TMEM63A: variants seen among roughly 807,000 people sequenced by gnomAD.
TMEM63A encodes transmembrane protein 63A, also known as mechanosensitive cation channel TMEM63A.
Under a neutral mutation model 100.6 loss-of-function variants are expected in TMEM63A, and 76 were observed. That is an observed-to-expected ratio of 0.76 (90% CI 0.63 to 0.91). TMEM63A has a LOEUF of 0.91. Among genes scored for constraint, TMEM63A ranks in the 40% least tolerant of loss-of-function variants. TMEM63A has a pLI of 0.00. For synonymous variants in TMEM63A, 401 were observed against 401.1 expected, an observed-to-expected ratio of 1.00 and a Z score of 0.00; for missense variants, 876 against 1,008.8, an observed-to-expected ratio of 0.87 and a Z score of 1.78.
chr1:225,869,330 A>T (rs926794537), intron 6 of TMEM63A, among the ~76,000 whole-genome samples: 4 of 152,214 alleles, frequency 2.6e-5, no homozygotes, highest in Non-Finnish European at 5.9e-5. Flanking sequence ...TATCTAGAGG[A>T]CAAAGCTTTG....
chr1:225,853,784 A>G lies in TMEM63A; in HGVS notation c.1642T>C (p.Phe548Leu). Reference sequence around the variant, plus strand: ...AAGAAGGCACCCTGGTCAGGCAGGAAGACGCACCTGGGGAAACCAGGGCCC... The same window carrying G: ...AAGAAGGCACCCTGGTCAGGCAGGAGGACGCACCTGGGGAAACCAGGGCCC... ...SEASIRLECV[F>L]LPDQGAFFVN... Residue 548 changes from phenylalanine to leucine, a missense_variant, in exon 19 of 25, where the codon TTC (phenylalanine) becomes CTC (leucine). Coordinates refer to ENST00000366835, the MANE Select transcript of TMEM63A (RefSeq NM_014698.3). This position sits in a 1 kb window ranked among gnomAD's most constrained non-coding sequence, Gnocchi z 4.0. The G allele has an allele frequency of 6.2e-6, 10 of 1,602,558 alleles. No individual in the cohort carries two copies. The highest frequency in any genetic ancestry group is 8.5e-6 in the Non-Finnish European group (10 of 1,174,172).
downstream of TMEM63A, chr1:225,844,639 C>G (rs566051666): frequency 6.2e-7 from 1 of 1,613,582 alleles, no homozygotes. Context: ...CCTGGCTGAG[C>G]CGAGAACAGG....
In TMEM63A at chr1:225,862,453, AC is replaced by A. The variant is rs1381118187; in HGVS notation, c.951+1del. The A allele has an allele frequency of 6.2e-7, 1 of 1,613,776 alleles. No homozygotes were observed. The highest frequency in any genetic ancestry group is 1.3e-5 in the African/African-American group (1 of 74,852). The stretch of plus-strand genomic sequence containing the variant: ...CTCCCAGCCGGGGGGTGGGACCCTT[AC>A]CCACTCACAGCCCAGCACTTCACAG... On this transcript the variant is annotated splice_donor_variant, in intron 12 of 24. Transcript: ENST00000366835. LOFTEE classifies it high-confidence loss of function. The surrounding 1 kb of genome is among the most constrained non-coding windows in gnomAD (Gnocchi z 5.1).
In TMEM63A at chr1:225,847,119, T is replaced by C; in HGVS notation, c.2345A>G (p.Asn782Ser). ...CTGTCCAGGGATAGTCCCGCTGATG[T>C]TGTGGATGGCACCATAGGTCTGCTG... is the stretch of plus-strand genomic sequence containing the variant. ...QQQQTYGAIH[N>S]ISGTIPGQCL... The change falls in exon 24 of 25, where the codon AAC (asparagine) becomes AGC (serine). Residue 782 changes from asparagine (N) to serine (S), a missense_variant. By Grantham distance (46) the Asn-to-Ser change is conservative. Transcript: ENST00000366835. 6.2e-7 allele frequency: 1 copy of C among 1,613,858 alleles called. No homozygotes were observed. The highest frequency in any genetic ancestry group is 8.5e-7 in the Non-Finnish European group (1 of 1,180,030).
At chr1:225,844,527 A>G, downstream of TMEM63A, 3 of 1,614,066 alleles carry the variant, frequency 1.9e-6, no homozygotes, top group Non-Finnish European at 2.5e-6. Context: ...CTGCTGACCA[A>G]CGTCATGCTC....
chr1:225,861,124 A>C (rs1669913714), intron 13 of TMEM63A, 127 bp from the exon 14 acceptor site: 2 of 1,110,280 alleles, frequency 1.8e-6, no homozygotes, highest in Non-Finnish European at 2.5e-6. Flanking sequence ...TGATTAGTGT[A>C]TTATGAGTAA....
intron 1 of TMEM63A, among the ~76,000 whole-genome samples, chr1:225,879,615 C>A (rs1381573856): frequency 3.3e-5 from 5 of 152,196 alleles, no homozygotes; most frequent in Admixed American, 6.5e-5. Context: ...TCTGTGCGAC[C>A]CTACTCCTCC....
rs374761902 is a variant in TMEM63A, at chr1:225,867,097, G to A, written c.566+15C>T. On this transcript the variant is annotated intron_variant, in intron 8 of 24. Transcript: ENST00000366835. The surrounding 1 kb of genome is among the most constrained non-coding windows in gnomAD (Gnocchi z 4.6). ...CTCACCCATCAGCACCTATCCCCAC[G>A]GGCTCCATACTCACTCAGTCTGTAG... 1.7e-5 allele frequency: 27 copies of A among 1,613,824 alleles called. No individual in the cohort carries two copies. Among genetic ancestry groups the A allele is most frequent in the African/African-American group, 5.3e-5 (4 of 74,860 alleles).
chr1:225,872,321 G>A (rs367769493), intron 4 of TMEM63A, among the ~76,000 whole-genome samples: 2 of 152,258 alleles, frequency 1.3e-5, no homozygotes, highest in South Asian at 2.1e-4. Context: ...ACTGTGACTC[G>A]TCTAGCTAAA....
Position 225,868,043 on chromosome 1 carries a change from C to G in TMEM63A, c.372-13G>C. ...GATCTGGTCATCACTGGCCAAGACA[C>G]AGAGGAATCTTAATGAGCAGTGGAA... is the stretch of plus-strand genomic sequence containing the variant. On this transcript the variant is annotated splice_polypyrimidine_tract_variant and intron_variant, in intron 6 of 24. Transcript: ENST00000366835. 1 of 1,613,920 alleles carries G rather than the reference C, an allele frequency of 6.2e-7. No individual in the cohort carries two copies. The highest frequency in any genetic ancestry group is 8.5e-7 in the Non-Finnish European group (1 of 1,179,834).
At position 225,875,080 on chromosome 1, in the gene TMEM63A, A is replaced by G. The variant is rs1026894041; in HGVS notation, c.187-713T>C. On this transcript the variant is annotated intron_variant, in intron 3 of 24. Coordinates refer to ENST00000366835, the MANE Select transcript of TMEM63A (RefSeq NM_014698.3). ...AGAACCAAGGTAGCAGAGCCTCCTC[A>G]GGCTGAGCCAGAAACGGTCAGTTTT... 9.8e-5 allele frequency among the ~76,000 whole-genome samples: 15 copies of G among 152,334 alleles called. No individual in the cohort carries two copies. The East Asian group carries it at 1.2e-3, about 12-fold the overall frequency.
At chr1:225,841,567 A>G (rs1257950565), downstream of TMEM63A, among the ~76,000 whole-genome samples, 1 of 144,390 alleles carries the variant, frequency 6.9e-6, no homozygotes, top group African/African-American at 2.6e-5. Flanking sequence ...TACAGGTGTG[A>G]GCCACCGCAC....
chr1:225,874,250 G>C, intron 4 of TMEM63A, 38 bp downstream of exon 4: 1 of 1,588,416 alleles, frequency 6.3e-7, no homozygotes, highest in African/African-American at 1.3e-5. Context: ...TCACACGTAC[G>C]CACACGCATG....
rs1185157643 is a variant in TMEM63A, at chr1:225,867,015, G to A, written c.566+97C>T. On this transcript the variant is annotated intron_variant, in intron 8 of 24. Coordinates refer to ENST00000366835, the MANE Select transcript of TMEM63A (RefSeq NM_014698.3). This position sits in a 1 kb window ranked among gnomAD's most constrained non-coding sequence, Gnocchi z 4.6. ...GCAAGGGGCCTTCAGATACCAGCCGGCCCCCTTTGGAGTACCTCTGGCCTG... is the reference window on the plus strand; with the variant it reads ...GCAAGGGGCCTTCAGATACCAGCCGACCCCCTTTGGAGTACCTCTGGCCTG... 1 of 1,285,078 alleles carries A rather than the reference G, an allele frequency of 7.8e-7. No homozygotes were observed. The highest frequency in any genetic ancestry group is 1.1e-6 in the Non-Finnish European group (1 of 881,328). 79.6% of individuals were successfully genotyped at this position (1,285,078 alleles called of 1,614,324 possible).
At chr1:225,843,855 T>C (rs933488399), downstream of TMEM63A, among the ~76,000 whole-genome samples, 57 of 152,356 alleles carry the variant, frequency 3.7e-4, no homozygotes, top group African/African-American at 1.3e-3. Flanking sequence ...TGACCAGTTT[T>C]CATTTTGCCA....
At chr1:225,870,090 C>T (rs1670426991) in intron 6 of TMEM63A, among the ~76,000 whole-genome samples, 1 of 152,048 alleles carries the variant, frequency 6.6e-6, no homozygotes, top group African/African-American at 2.4e-5. Flanking sequence ...TGGCTCATGC[C>T]TATAATCCCA....
At chr1:225,863,697 A>G (rs1192346501) in intron 10 of TMEM63A, among the ~76,000 whole-genome samples, 1 of 152,036 alleles carries the variant, frequency 6.6e-6, no homozygotes, top group Non-Finnish European at 1.5e-5. Flanking sequence ...CGGGTGGATC[A>G]CTTGAGGTCA....
In TMEM63A at chr1:225,878,841, T is replaced by C. The variant is rs74557842; in HGVS notation, c.-15+379A>G. Among the ~76,000 whole-genome samples the C allele has an allele frequency of 3.5e-3, 519 of 150,164 alleles. 1 individual carries two copies. The highest frequency in any genetic ancestry group is 0.012 in the African/African-American group (481 of 40,592). On this transcript the variant is annotated intron_variant, in intron 2 of 24. Coordinates refer to ENST00000366835, the MANE Select transcript of TMEM63A (RefSeq NM_014698.3). ...TGGGTAACCCCTAGGCCTAGAGTGC[T>C]GGGGACAATCACACATGGACACCTA...
rs758189012 is a variant in TMEM63A at position 225,847,167 on chromosome 1, G to A, written c.2297C>T (p.Ala766Val). Residue 766 changes from alanine to valine, a missense_variant, in exon 24 of 25, where the codon GCA (alanine) becomes GTA (valine). By Grantham distance (64) the Ala-to-Val change is moderately conservative. This residue lies in a region of TMEM63A where 339 missense variants were observed against 342.3 expected (regional missense o/e 0.99). Transcript: ENST00000366835. ...ILNGLASERT[A>V]LSPQQQQQQT... ...CTGCTGCTGCTGCTGCGGAGACAGTGCTGTCCTCTCCGAGGCCAAGCCGTT... is the reference window on the plus strand; with the variant it reads ...CTGCTGCTGCTGCTGCGGAGACAGTACTGTCCTCTCCGAGGCCAAGCCGTT... 2.5e-6 allele frequency: 4 copies of A among 1,613,424 alleles called. No individual in the cohort carries two copies. The South Asian group carries it at 3.3e-5, about 13-fold the overall frequency.
Sources: gnomAD v4.1 joint callset for allele counts (sites outside exome capture counted in the v4.1 genomes callset) on GRCh38, gnomAD v4.1.1 for gene constraint, gnomAD v4.1.1 regional missense constraint, Gnocchi (gnomAD v3.1) non-coding constraint, MANE v1.5 for transcripts, NCBI Gene and HGNC (gene_info 2026-07-23, HGNC 2026-07-21) for gene names.